WASHC2A: variants seen among roughly 807,000 people sequenced by gnomAD.
WASHC2A encodes WASH complex subunit FAM21A.
A neutral mutation model predicts 140.3 loss-of-function variants in WASHC2A; 82 were observed. The observed-to-expected ratio is 0.58, with a 90% CI of 0.49 to 0.70. The LOEUF (loss-of-function observed/expected upper bound fraction) is 0.70. WASHC2A is among the 30% of genes least tolerant of loss of function. WASHC2A has a pLI of 0.00. For synonymous variants in WASHC2A, 340 were observed against 560.8 expected (o/e 0.61, Z 5.56); for missense variants, 985 against 1,521.8 (o/e 0.65, Z 5.87).
intron 3 of WASHC2A, among the ~76,000 whole-genome samples, chr10:50,075,054 ATG>A (rs142470094): frequency 9.3e-5 from 14 of 150,908 alleles, no homozygotes; most frequent in South Asian, 2.1e-4. Context: ...AGATGACGGT[ATG>A]TGTGTGTGTG....
rs570044267 is a variant in WASHC2A, at chr10:50,095,749, C to T, written c.1391C>T (p.Ser464Leu). Residue 464 changes from serine (S) to leucine (L), a missense_variant, in exon 15 of 31, where the codon TCG becomes TTG. By Grantham distance (145) the Ser-to-Leu change is moderately radical (BLOSUM62 -2). Transcript: ENST00000282633. ...DDGDDDDDFF[S>L]APHSKPSKTG... is the part of the protein sequence containing the mutation. ...GGTGATGATGATGACGACTTTTTCTCGGCACCCCACAGCAAACCTTCTAAA... is the reference window on the plus strand; with the variant it reads ...GGTGATGATGATGACGACTTTTTCTTGGCACCCCACAGCAAACCTTCTAAA... 2.2e-3 allele frequency: 3,493 copies of T among 1,610,544 alleles called. 11 individuals carry two copies. Among genetic ancestry groups the T allele is most frequent in the Middle Eastern group, 8.8e-3 (39 of 4,428 alleles).
rs984113855 is a variant in WASHC2A, at chr10:50,127,615, G to A, written c.2907G>A (p.Leu969=). Residue 969 remains leucine, a synonymous_variant, in exon 28 of 31, where the codon CTG becomes CTA. Coordinates refer to ENST00000282633, the MANE Select transcript of WASHC2A (RefSeq NM_001005751.3). ...ANLAINPAAL[L]PTAASQISEV... is the part of the protein sequence containing the mutation. ...TAGCGATCAACCCAGCGGCCTTGCT[G>A]CCCACAGCGGCTTCCCAGATCTCTG... The A allele has an allele frequency of 4.8e-5, 77 of 1,609,306 alleles. No individual in the cohort carries two copies. The Admixed American group carries it at 4.9e-4, about 10-fold the overall frequency.
intron 23 of WASHC2A, among the ~76,000 whole-genome samples, chr10:50,123,833 C>CAAAA (rs1440152430): frequency 6.7e-6 from 1 of 149,802 alleles, no homozygotes; most frequent in African/African-American, 2.5e-5. Context: ...TTTATTTCTA[C>CAAAA]AAAAAATGTT....
chr10:50,090,683 T>G, intron 8 of WASHC2A, 93 bp from the exon 9 acceptor site: 1 of 1,165,992 alleles, frequency 8.6e-7, no homozygotes, highest in Non-Finnish European at 1.1e-6. Flanking sequence ...TTTAAAAAGC[T>G]GTTACTTCTT....
At chr10:50,105,663 G>T (rs1403302620) in intron 18 of WASHC2A, among the ~76,000 whole-genome samples, 6 of 150,896 alleles carry the variant, frequency 4.0e-5, no homozygotes, top group African/African-American at 1.5e-4. Context: ...CAGGCCCTCT[G>T]ATGCTTTTGT....
chr10:50,112,472 A>G (rs1442457256), intron 20 of WASHC2A: 1 of 120,486 alleles, frequency 8.3e-6, no homozygotes, highest in Non-Finnish European at 1.7e-5. Flanking sequence ...TGGTGTAGTC[A>G]CTTTGGAAAG....
intron 10 of WASHC2A, among the ~76,000 whole-genome samples, chr10:50,091,888 G>T (rs1839963339): frequency 6.6e-6 from 1 of 152,036 alleles, no homozygotes; most frequent in African/African-American, 2.4e-5. Context: ...AGTTATAACA[G>T]GGTAGAAAGA....
chr10:50,129,592 T>C lies in WASHC2A; in HGVS notation c.3261T>C (p.Ser1087=). ...ATCGGCCACAGCTCAGAGCAGCCAG[T>C]GGAGAAGACAGCACTGAGGAGGCCC... The part of the protein sequence containing the change: ...NGHRPQLRAA[S]GEDSTEEALA... Residue 1087 remains serine (S), a synonymous_variant, in exon 29 of 31, where the codon AGT becomes AGC. Transcript: ENST00000282633. 1 of 1,612,012 alleles carries C rather than the reference T, an allele frequency of 6.2e-7. No homozygotes were observed. The highest frequency in any genetic ancestry group is 8.5e-7 in the Non-Finnish European group (1 of 1,179,858).
chr10:50,106,895 A>T lies in WASHC2A; in HGVS notation c.1869+430A>T, dbSNP rs1485616939. ...AGGAAATCCTGTGTCAATTTTATGC[A>T]GTCTGATGAAGAAGCGGACAGTTTT... On this transcript the variant is annotated intron_variant, in intron 19 of 30. Transcript: ENST00000282633. 1.3e-3 allele frequency among the ~76,000 whole-genome samples: 20 copies of T among 15,074 alleles called. 3 individuals are homozygous for T. Among genetic ancestry groups the T allele is most frequent in the South Asian group, 0.025 (1 of 40 alleles). 9.9% of individuals were successfully genotyped at this position (15,074 alleles called of 152,430 possible).
At chr10:50,102,856 C>A (rs1841347222) in intron 17 of WASHC2A, among the ~76,000 whole-genome samples, 1 of 150,160 alleles carries the variant, frequency 6.7e-6, no homozygotes, top group Admixed American at 6.6e-5. Flanking sequence ...TTGAAAATTT[C>A]TTGATTTTTA....
chr10:50,124,126 A>T (rs2133048104), intron 23 of WASHC2A, among the ~76,000 whole-genome samples: 1 of 141,744 alleles, frequency 7.1e-6, no homozygotes. Context: ...TTGTTTTGAG[A>T]TGGAGTCCTA....
chr10:50,075,054 A>ATGTG (rs142470094), intron 3 of WASHC2A, among the ~76,000 whole-genome samples: 42 of 150,894 alleles, frequency 2.8e-4, no homozygotes, highest in African/African-American at 3.9e-4. Context: ...AGATGACGGT[A>ATGTG]TGTGTGTGTG....
chr10:50,114,522 C>T (rs1459902788), intron 21 of WASHC2A, among the ~76,000 whole-genome samples: 1 of 127,360 alleles, frequency 7.9e-6, no homozygotes, highest in Non-Finnish European at 1.7e-5. Context: ...GAAAAACATA[C>T]TGCAGGCCAA....
rs1359628358 is a variant in WASHC2A, at chr10:50,115,454, G to C, written c.2142+1457G>C. On this transcript the variant is annotated intron_variant, in intron 21 of 30. Transcript: ENST00000282633. Reference sequence around the variant, plus strand: ...TACATTTCTGTTATATAGAAAATGGGAAAAGGGGGCAGTGAAGCAACGGTG... The same window carrying C: ...TACATTTCTGTTATATAGAAAATGGCAAAAGGGGGCAGTGAAGCAACGGTG... Among the ~76,000 whole-genome samples, 2 of 123,806 alleles carry C rather than the reference G, an allele frequency of 1.6e-5. 1 individual carries two copies. The highest frequency in any genetic ancestry group is 3.5e-5 in the Non-Finnish European group (2 of 56,668). The allele number at this position is 123,806 out of a possible 152,430, so 81.2% of individuals were successfully genotyped here. A position where few individuals can be genotyped will look rare whatever the true frequency, so the allele number is the denominator to read the frequency against.
At chr10:50,126,573 C>T (rs1471687027) in intron 26 of WASHC2A, 1 of 275,200 alleles carries the variant, frequency 3.6e-6, no homozygotes, top group South Asian at 4.1e-5. Context: ...CTCCCAAGGT[C>T]ATTGCTGTTG....
At position 50,125,260 on chromosome 10, in the gene WASHC2A, C is replaced by T. The variant is rs1843335839; in HGVS notation, c.2607+19C>T. 6.2e-7 allele frequency: 1 copy of T among 1,605,664 alleles called. No individual in the cohort carries two copies. The highest frequency in any genetic ancestry group is 1.7e-5 in the Admixed American group (1 of 59,430). Reference sequence around the variant, plus strand: ...AACCAAGGTCAGTTCCAAATGGTTCCCCACAGTATGACTTGTTATTGTATT... The same window carrying T: ...AACCAAGGTCAGTTCCAAATGGTTCTCCACAGTATGACTTGTTATTGTATT... On this transcript the variant is annotated intron_variant, in intron 24 of 30. Transcript: ENST00000282633.
chr10:50,070,942 G>A (rs1204325112), intron 3 of WASHC2A, among the ~76,000 whole-genome samples: 1 of 84,676 alleles, frequency 1.2e-5, no homozygotes, highest in Non-Finnish European at 2.5e-5. Flanking sequence ...TGAGGCAGGA[G>A]AATCGCTTGA....
At chr10:50,088,695 A>G (rs1839607746) in intron 8 of WASHC2A, among the ~76,000 whole-genome samples, 1 of 115,112 alleles carries the variant, frequency 8.7e-6, no homozygotes, top group Non-Finnish European at 1.8e-5. Context: ...TTTTCCTACA[A>G]TCTCATCACT....
chr10:50,090,932 A>G (rs1839871592), intron 9 of WASHC2A, 46 bp downstream of exon 9: 1 of 1,593,080 alleles, frequency 6.3e-7, no homozygotes, highest in Non-Finnish European at 8.6e-7. Flanking sequence ...TTTTAGAACC[A>G]ATGACTTGTT....
Sources: gnomAD v4.1 joint callset for allele counts (sites outside exome capture counted in the v4.1 genomes callset) on GRCh38, gnomAD v4.1.1 for gene constraint, MANE v1.5 for transcripts, NCBI Gene and HGNC (gene_info 2026-07-23, HGNC 2026-07-21) for gene names.